ZNF804B: variants seen among roughly 807,000 people sequenced by gnomAD.
ZNF804B encodes the protein zinc finger protein 804B.
Under a neutral mutation model 101.4 loss-of-function variants are expected in ZNF804B, and 80 were observed. The observed-to-expected ratio is 0.79, with a 90% CI of 0.66 to 0.95. The LOEUF is 0.95. Ranked by LOEUF, ZNF804B falls within the 40% of genes least tolerant of loss-of-function variation. ZNF804B has a pLI of 0.00. For synonymous variants in ZNF804B, 622 were observed against 558.8 expected, an observed-to-expected ratio of 1.11 and a Z score of -1.59; for missense variants, 1,673 against 1,561.9, an observed-to-expected ratio of 1.07 and a Z score of -1.20.
At chr7:88,855,169 A>G (rs369751389) in intron 1 of ZNF804B, among the ~76,000 whole-genome samples, 2 of 152,058 alleles carry the variant, frequency 1.3e-5, no homozygotes, top group African/African-American at 4.8e-5. Context: ...GATCCCTGAG[A>G]AATCACCACA....
In ZNF804B at chr7:89,333,234, G is replaced by A. The variant is rs1162136223; in HGVS notation, c.381-129G>A. 4 of 903,636 alleles carry A rather than the reference G, an allele frequency of 4.4e-6. No individual in the cohort carries two copies. In the African/African-American group the frequency reaches 6.7e-5, roughly 15 times the overall value. 56.0% of individuals were successfully genotyped at this position (903,636 alleles called of 1,614,324 possible). A position where few individuals can be genotyped will look rare whatever the true frequency, so the allele number is the denominator to read the frequency against. ...CTAAGCTATATAAGGACAACAAAAG[G>A]TTATGTTTTAGAAGATGTAGCTCAT... On this transcript the variant is annotated intron_variant, in intron 3 of 3. Coordinates refer to ENST00000333190, the MANE Select transcript of ZNF804B (RefSeq NM_181646.5).
At chr7:88,811,056 A>T in intron 1 of ZNF804B, among the ~76,000 whole-genome samples, 1 of 148,642 alleles carries the variant, frequency 6.7e-6, no homozygotes, top group African/African-American at 2.5e-5. Flanking sequence ...CTCAGAATTA[A>T]AAAAAAAAAA....
At chr7:89,319,319 T>A (rs372231265) in intron 2 of ZNF804B, among the ~76,000 whole-genome samples, 14 of 152,218 alleles carry the variant, frequency 9.2e-5, no homozygotes, top group African/African-American at 3.4e-4. Flanking sequence ...CTTACACAAC[T>A]TCTCCTTTAC....
At chr7:89,217,736 T>C (rs1253246227) in intron 1 of ZNF804B, among the ~76,000 whole-genome samples, 3 of 152,168 alleles carry the variant, frequency 2.0e-5, no homozygotes, top group African/African-American at 4.8e-5. Flanking sequence ...ATAGTGTGAA[T>C]GGGGACACCC....
chr7:88,936,632 A>G (rs1304446255), intron 1 of ZNF804B, among the ~76,000 whole-genome samples: 2 of 152,134 alleles, frequency 1.3e-5, no homozygotes, highest in East Asian at 1.9e-4. Flanking sequence ...GTCTTGTGAC[A>G]AAGTGTGTCT....
chr7:88,913,202 C>A (rs1229710158), intron 1 of ZNF804B, among the ~76,000 whole-genome samples: 1 of 152,034 alleles, frequency 6.6e-6, no homozygotes, highest in Non-Finnish European at 1.5e-5. Context: ...TGATTCCTAC[C>A]AGTTAAGACA....
intron 1 of ZNF804B, among the ~76,000 whole-genome samples, chr7:88,990,484 C>A (rs996646914): frequency 1.3e-5 from 2 of 152,094 alleles, no homozygotes; most frequent in Admixed American, 6.5e-5. Context: ...TTGAGTTAAG[C>A]AGTTAAGCAT....
chr7:89,299,961 C>A (rs567007466), intron 2 of ZNF804B, among the ~76,000 whole-genome samples: 1 of 151,952 alleles, frequency 6.6e-6, no homozygotes, highest in African/African-American at 2.4e-5. Context: ...TCCCTAATTG[C>A]TAGATAATTT....
intron 2 of ZNF804B, among the ~76,000 whole-genome samples, chr7:89,272,010 G>T (rs1789906184): frequency 6.6e-6 from 1 of 151,842 alleles, no homozygotes; most frequent in African/African-American, 2.4e-5. Context: ...TGTCTTTTTA[G>T]CTTACAACAT....
chr7:89,299,196 TTAA>T (rs1790438638), intron 2 of ZNF804B, among the ~76,000 whole-genome samples: 1 of 152,090 alleles, frequency 6.6e-6, no homozygotes, highest in Admixed American at 6.6e-5. Context: ...TTTTCAGTTT[TTAA>T]TCACAAACTT....
At chr7:88,832,946 G>C (rs1050525927) in intron 1 of ZNF804B, among the ~76,000 whole-genome samples, 4 of 151,894 alleles carry the variant, frequency 2.6e-5, no homozygotes, top group African/African-American at 9.7e-5. Context: ...GAACTCTGAG[G>C]AATTTAGGCT....
intron 2 of ZNF804B, among the ~76,000 whole-genome samples, chr7:89,255,880 T>C (rs916841473): frequency 6.6e-6 from 1 of 152,064 alleles, no homozygotes; most frequent in African/African-American, 2.4e-5. Context: ...GAGTAAAAGA[T>C]AAAAATAGGC....
rs527389922 is a variant in ZNF804B, at chr7:88,881,932, C to A, written c.108+121848C>A. On this transcript the variant is annotated intron_variant, in intron 1 of 3. Transcript: ENST00000333190. ...AATAAAGGTTCACATAATCATCTTT[C>A]AGTGCAGAGTATTAACATTTGTTTG... Among the ~76,000 whole-genome samples, 13 of 152,254 alleles carry A rather than the reference C, an allele frequency of 8.5e-5. No individual in the cohort carries two copies. In the South Asian group the frequency reaches 2.5e-3, roughly 29 times the overall value.
At position 89,103,417 on chromosome 7, in the gene ZNF804B, A is replaced by C. The variant is rs181512816; in HGVS notation, c.109-114738A>C. On this transcript the variant is annotated intron_variant, in intron 1 of 3. Coordinates refer to ENST00000333190, the MANE Select transcript of ZNF804B (RefSeq NM_181646.5). ...ATAATTTATTTCATCAGTGATTTGT[A>C]GTTCTTCTTGTAGAGATATTCCATT... Among the ~76,000 whole-genome samples, 4 of 151,620 alleles carry C rather than the reference A, an allele frequency of 2.6e-5. No individual in the cohort carries two copies. In the East Asian group the frequency reaches 7.8e-4, roughly 29 times the overall value.
At chr7:89,068,944 G>A (rs953298919) in intron 1 of ZNF804B, among the ~76,000 whole-genome samples, 4 of 152,148 alleles carry the variant, frequency 2.6e-5, no homozygotes, top group Admixed American at 2.6e-4. Context: ...AGGGGAAGGG[G>A]CCAGTGCCTC....
intron 1 of ZNF804B, among the ~76,000 whole-genome samples, chr7:88,799,616 T>C (rs969715711): frequency 6.6e-6 from 1 of 152,044 alleles, no homozygotes. Flanking sequence ...ACTGTTATTA[T>C]CTACTCATTT....
At chr7:89,249,714 C>G (rs772614454) in intron 2 of ZNF804B, among the ~76,000 whole-genome samples, 6 of 152,012 alleles carry the variant, frequency 3.9e-5, no homozygotes, top group Non-Finnish European at 7.4e-5. Context: ...AATCAAACAT[C>G]GCACCTACAG....
At chr7:89,096,953 T>G (rs1789979775) in intron 1 of ZNF804B, among the ~76,000 whole-genome samples, 1 of 152,296 alleles carries the variant, frequency 6.6e-6, no homozygotes, top group East Asian at 1.9e-4. Flanking sequence ...AATGTTGAAT[T>G]ATTCCCTCCC....
At chr7:89,216,542 C>T (rs930310435) in intron 1 of ZNF804B, among the ~76,000 whole-genome samples, 1 of 152,118 alleles carries the variant, frequency 6.6e-6, no homozygotes, top group Admixed American at 6.5e-5. Context: ...TTTTTTATAT[C>T]CTCCATTATT....
Sources: gnomAD v4.1 joint callset for allele counts (sites outside exome capture counted in the v4.1 genomes callset) on GRCh38, gnomAD v4.1.1 for gene constraint, MANE v1.5 for transcripts, NCBI Gene and HGNC (gene_info 2026-07-23, HGNC 2026-07-21) for gene names.